The following NAV2 variants were observed in gnomAD, a reference collection of about 807,000 sequenced individuals.
NAV2 encodes helicase, APC down-regulated 1.
In NAV2, 54 loss-of-function variants were observed where a neutral mutation model predicts 223.2. The observed-to-expected ratio is 0.24, with a 90% CI of 0.19 to 0.30. The LOEUF is 0.30. Ranked by LOEUF, NAV2 falls within the 10% of genes least tolerant of loss-of-function variation. The probability of loss-of-function intolerance (pLI) is 1.00; values close to 1 mark genes in which losing one functional copy is unlikely to be tolerated. For missense variants in NAV2, 2,806 were observed against 3,147.5 expected (o/e 0.89, Z 2.60); for synonymous variants, 1,279 against 1,239.3 (o/e 1.03, Z -0.67).
intron 1 of NAV2, among the ~76,000 whole-genome samples, chr11:19,779,065 C>A (rs542547963): frequency 6.6e-6 from 1 of 152,298 alleles, no homozygotes. Context: ...TTCTCCACTC[C>A]GATATTGCTG....
intron 1 of NAV2, among the ~76,000 whole-genome samples, chr11:19,815,467 A>G (rs1292238663): frequency 6.6e-6 from 1 of 152,242 alleles, no homozygotes; most frequent in African/African-American, 2.4e-5. Flanking sequence ...CAGCTATTGT[A>G]TGTGGTTCTG....
In NAV2 at chr11:19,491,299, G is replaced by T. The variant is rs1026460440; in HGVS notation, c.75+140272G>T. Among the ~76,000 whole-genome samples the T allele has an allele frequency of 1.2e-4, 18 of 152,332 alleles. No homozygotes were observed. In the South Asian group the frequency reaches 2.5e-3, roughly 21 times the overall value. On this transcript the variant is annotated intron_variant, in intron 1 of 37. Coordinates refer to the NAV2 transcript ENST00000360655. The stretch of plus-strand genomic sequence containing the variant: ...TTGAGTCTCCTCTCTAGCTATGAAA[G>T]TCCTACATGGCATCTTCTTCCAATA...
rs147027135 is a variant in NAV2 at position 20,001,133 on chromosome 11, C to T, written c.2768+16886C>T. 3.0e-3 allele frequency among the ~76,000 whole-genome samples: 455 copies of T among 152,250 alleles called. 3 individuals are homozygous for T. Among genetic ancestry groups the T allele is most frequent in the East Asian group, 4.6e-3 (24 of 5,162 alleles). ...ACCAAACACTTGGCAGTCTCTAGCA[C>T]GCTCCGGGGTATTGTAAACCTCCAT... On this transcript the variant is annotated intron_variant, in intron 11 of 37. Transcript: ENST00000349880.
intron 1 of NAV2, among the ~76,000 whole-genome samples, chr11:19,570,013 C>T (rs7108239): frequency 0.12 from 17,711 of 152,228 alleles, 1,568 homozygotes; most frequent in East Asian, 0.29. Flanking sequence ...CTCCTTGTAG[C>T]TATCAGGGGG....
At chr11:19,740,120 A>T (rs1313404128) in intron 1 of NAV2, among the ~76,000 whole-genome samples, 1 of 152,218 alleles carries the variant, frequency 6.6e-6, no homozygotes, top group African/African-American at 2.4e-5. Flanking sequence ...ACCCTGTGAC[A>T]TGCTGGAAGG....
intron 6 of NAV2, among the ~76,000 whole-genome samples, chr11:19,897,097 G>A (rs2153169970): frequency 6.6e-6 from 1 of 152,026 alleles, no homozygotes; most frequent in East Asian, 1.9e-4. Flanking sequence ...CATGGATGAA[G>A]CTGGAAACCA....
intron 1 of NAV2, among the ~76,000 whole-genome samples, chr11:19,352,537 C>T (rs1259574594): frequency 1.3e-5 from 2 of 152,214 alleles, no homozygotes; most frequent in African/African-American, 2.4e-5. Flanking sequence ...AATATAACCC[C>T]AAGTGAGGCT....
At chr11:19,561,568 C>T (rs980614977) in intron 1 of NAV2, among the ~76,000 whole-genome samples, 2 of 152,152 alleles carry the variant, frequency 1.3e-5, no homozygotes, top group Non-Finnish European at 1.5e-5. Context: ...CCTATTATTA[C>T]TAGATATCAG....
chr11:19,767,643 A>G (rs2055338736), intron 1 of NAV2, among the ~76,000 whole-genome samples: 1 of 152,236 alleles, frequency 6.6e-6, no homozygotes. Context: ...CAGTGTTCGC[A>G]TGCATATCTC....
At chr11:19,490,222 T>G (rs1243435411) in intron 1 of NAV2, among the ~76,000 whole-genome samples, 2 of 152,224 alleles carry the variant, frequency 1.3e-5, no homozygotes, top group Non-Finnish European at 2.9e-5. Flanking sequence ...AGGGTGGCAG[T>G]AACTGAAAGT....
chr11:19,952,454 C>G (rs2047476465), intron 10 of NAV2, among the ~76,000 whole-genome samples: 1 of 152,170 alleles, frequency 6.6e-6, no homozygotes, highest in Admixed American at 6.5e-5. Flanking sequence ...GCCTTATCTC[C>G]CTCAAACATC....
intron 10 of NAV2, among the ~76,000 whole-genome samples, chr11:19,968,813 T>C (rs1052476124): frequency 2.0e-5 from 3 of 152,226 alleles, no homozygotes; most frequent in Admixed American, 2.0e-4. Flanking sequence ...TGGCTCCTAC[T>C]CTGGAGGTCA....
At chr11:19,757,066 G>A (rs1209124624) in intron 1 of NAV2, among the ~76,000 whole-genome samples, 1 of 152,122 alleles carries the variant, frequency 6.6e-6, no homozygotes, top group Non-Finnish European at 1.5e-5. Flanking sequence ...AGAACACACT[G>A]TGCCAGCTGG....
At chr11:19,606,818 G>A (rs2046485482) in intron 1 of NAV2, among the ~76,000 whole-genome samples, 1 of 152,164 alleles carries the variant, frequency 6.6e-6, no homozygotes, top group Non-Finnish European at 1.5e-5. Context: ...GTTTTAGCCT[G>A]TTATCAAGCT....
At chr11:20,033,336 T>C (rs559934822) in intron 11 of NAV2, among the ~76,000 whole-genome samples, 17 of 152,350 alleles carry the variant, frequency 1.1e-4, no homozygotes, top group Admixed American at 4.6e-4. Context: ...ATTTGGACGA[T>C]AGGACGGCCC....
At chr11:19,973,208 TG>T (rs34442199) in intron 10 of NAV2, among the ~76,000 whole-genome samples, 1 of 152,128 alleles carries the variant, frequency 6.6e-6, no homozygotes, top group African/African-American at 2.4e-5. Flanking sequence ...TGTTGTTACC[TG>T]GGGGGGTCTA....
At chr11:19,927,642 G>T (rs917460626) in intron 6 of NAV2, among the ~76,000 whole-genome samples, 1 of 151,722 alleles carries the variant, frequency 6.6e-6, no homozygotes, top group African/African-American at 2.4e-5. Flanking sequence ...AGCCGAGATT[G>T]CACCAGTGCA....
intron 1 of NAV2, among the ~76,000 whole-genome samples, chr11:19,751,131 C>T (rs1251318436): frequency 1.3e-5 from 2 of 152,162 alleles, no homozygotes; most frequent in Non-Finnish European, 2.9e-5. Context: ...CAGAGCATTT[C>T]TTTATCCCCT....
intron 1 of NAV2, among the ~76,000 whole-genome samples, chr11:19,604,176 C>T (rs1015961221): frequency 6.6e-6 from 1 of 151,954 alleles, no homozygotes; most frequent in East Asian, 1.9e-4. Flanking sequence ...GGAGAAACAT[C>T]GTGTGACTTA....
Sources: gnomAD v4.1 joint callset for allele counts (sites outside exome capture counted in the v4.1 genomes callset) on GRCh38, gnomAD v4.1.1 for gene constraint, MANE v1.5 for transcripts, NCBI Gene and HGNC (gene_info 2026-07-23, HGNC 2026-07-21) for gene names.